The following WDFY4 variants were observed in gnomAD, a reference collection of about 807,000 sequenced individuals.
WDFY4 encodes the protein WDFY family member 4.
Under a neutral mutation model 351.9 loss-of-function variants are expected in WDFY4, and 169 were observed. The ratio of observed to expected loss-of-function variants is 0.48; its 90% CI spans 0.42 to 0.55. The LOEUF is 0.55. Ranked by LOEUF, WDFY4 falls within the 20% of genes least tolerant of loss-of-function variation. The probability of loss-of-function intolerance (pLI) is 0.00; values close to 1 mark genes in which losing one functional copy is unlikely to be tolerated. For missense variants in WDFY4, 3,803 were observed against 3,935.6 expected, an observed-to-expected ratio of 0.97 and a Z score of 0.90; for synonymous variants, 1,622 against 1,574.6, an observed-to-expected ratio of 1.03 and a Z score of -0.71.
chr10:48,747,306 A>G (rs1354052520), intron 12 of WDFY4, among the ~76,000 whole-genome samples: 1 of 151,950 alleles, frequency 6.6e-6, no homozygotes, highest in East Asian at 1.9e-4. Flanking sequence ...TTCTTGTTCT[A>G]TTGCTTTACT....
chr10:48,708,444 G>T (rs1009014633), intron 1 of WDFY4, among the ~76,000 whole-genome samples: 4 of 152,202 alleles, frequency 2.6e-5, no homozygotes, highest in Non-Finnish European at 5.9e-5. Flanking sequence ...TCACTACTTT[G>T]TGATTGTTGA....
At position 48,966,594 on chromosome 10, in the gene WDFY4, C is replaced by A; in HGVS notation, c.8505C>A (p.Thr2835=). Residue 2835 remains threonine (T), a synonymous_variant, in exon 55 of 62, where the codon ACC becomes ACA. Coordinates refer to ENST00000325239, the MANE Select transcript of WDFY4 (RefSeq NM_001394531.1). ...CTCTGCCTGGAAAGGATGTCTCCAC[C>A]CCCGTGAGCCTGCCTGGCCACCCAC... ...GKPLPGKDVS[T]PVSLPGHPQP... 1 of 1,552,046 alleles carries A rather than the reference C, an allele frequency of 6.4e-7. No individual in the cohort carries two copies. Among genetic ancestry groups the A allele is most frequent in the South Asian group, 1.2e-5 (1 of 84,058 alleles).
intron 39 of WDFY4, among the ~76,000 whole-genome samples, chr10:48,835,076 TCAA>T (rs917022024): frequency 6.6e-6 from 1 of 152,332 alleles, no homozygotes; most frequent in Admixed American, 6.5e-5. Context: ...ACTTGTTCAT[TCAA>T]CAAATATTTA....
At chr10:48,935,615 C>T (rs1840309921) in intron 47 of WDFY4, among the ~76,000 whole-genome samples, 1 of 152,150 alleles carries the variant, frequency 6.6e-6, no homozygotes, top group Non-Finnish European at 1.5e-5. Flanking sequence ...TTTGAGAGGG[C>T]TGTCTTTCAT....
At chr10:48,754,319 A>G (rs1311874069) in intron 12 of WDFY4, among the ~76,000 whole-genome samples, 1 of 151,480 alleles carries the variant, frequency 6.6e-6, no homozygotes, top group Non-Finnish European at 1.5e-5. Context: ...AATATGCCAG[A>G]CATACTCCTA....
At position 48,946,977 on chromosome 10, in the gene WDFY4, G is replaced by A; in HGVS notation, c.7977+8G>A. Reference sequence around the variant, plus strand: ...GCCTTCTGCGCTCTGCAGGTGAGCTGCTGCCACTCTCTGTACACACACACA... The same window carrying A: ...GCCTTCTGCGCTCTGCAGGTGAGCTACTGCCACTCTCTGTACACACACACA... On this transcript the variant is annotated splice_region_variant and intron_variant, in intron 51 of 61. Transcript: ENST00000325239. 6.5e-7 allele frequency: 1 copy of A among 1,528,358 alleles called. No individual in the cohort carries two copies. Among genetic ancestry groups the A allele is most frequent in the Non-Finnish European group, 8.8e-7 (1 of 1,132,150 alleles). 94.7% of individuals were successfully genotyped at this position (1,528,358 alleles called of 1,614,324 possible).
At chr10:48,855,414 A>G (rs960254486) in intron 39 of WDFY4, among the ~76,000 whole-genome samples, 1 of 152,108 alleles carries the variant, frequency 6.6e-6, no homozygotes, top group African/African-American at 2.4e-5. Context: ...ATAACATAGT[A>G]TATACTCTTT....
intron 60 of WDFY4, among the ~76,000 whole-genome samples, chr10:48,980,795 G>A (rs567756015): frequency 2.0e-5 from 3 of 152,174 alleles, no homozygotes; most frequent in Admixed American, 6.5e-5. Context: ...CCCAGCTGGC[G>A]TCTCTCCATC....
intron 47 of WDFY4, among the ~76,000 whole-genome samples, chr10:48,922,766 G>A (rs532184225): frequency 9.2e-5 from 14 of 152,248 alleles, no homozygotes; most frequent in African/African-American, 3.4e-4. Flanking sequence ...AAAGCATTTT[G>A]CCTAATAAAA....
At chr10:48,863,839 C>G (rs1272240927) in intron 39 of WDFY4, among the ~76,000 whole-genome samples, 10 of 152,150 alleles carry the variant, frequency 6.6e-5, no homozygotes, top group Non-Finnish European at 1.5e-4. Context: ...AACTTACAAT[C>G]ATGGCAGAAG....
intron 36 of WDFY4, among the ~76,000 whole-genome samples, chr10:48,828,346 T>C (rs1022742002): frequency 6.6e-6 from 1 of 152,214 alleles, no homozygotes; most frequent in Non-Finnish European, 1.5e-5. Flanking sequence ...AAAAGGGTTC[T>C]TCTAAGTGCA....
intron 53 of WDFY4, among the ~76,000 whole-genome samples, chr10:48,962,699 G>T (rs1393432891): frequency 1.3e-5 from 2 of 152,202 alleles, no homozygotes; most frequent in Non-Finnish European, 2.9e-5. Flanking sequence ...CTGACTTCTG[G>T]TGGGAGCTGT....
At chr10:48,846,213 A>G (rs2068770875) in intron 39 of WDFY4, among the ~76,000 whole-genome samples, 1 of 152,146 alleles carries the variant, frequency 6.6e-6, no homozygotes, top group African/African-American at 2.4e-5. Context: ...ACATTCCCAC[A>G]TGGCATCTTT....
chr10:48,842,443 G>A (rs1392988929), intron 39 of WDFY4, among the ~76,000 whole-genome samples: 1 of 152,124 alleles, frequency 6.6e-6, no homozygotes, highest in Non-Finnish European at 1.5e-5. Context: ...TCTGAGCTCT[G>A]CAGCAGGACC....
chr10:48,755,600 G>A (rs971414334), intron 12 of WDFY4, among the ~76,000 whole-genome samples: 1 of 152,056 alleles, frequency 6.6e-6, no homozygotes, highest in Non-Finnish European at 1.5e-5. Flanking sequence ...TTCTTCCAAT[G>A]CCATTAGTTG....
rs1842273367 is a variant in WDFY4, at chr10:48,970,117, C to T, written c.8770-14C>T. 8 of 1,551,064 alleles carry T rather than the reference C, an allele frequency of 5.2e-6. No individual in the cohort carries two copies. The highest frequency in any genetic ancestry group is 3.9e-5 in the Admixed American group (2 of 50,980). On this transcript the variant is annotated splice_polypyrimidine_tract_variant and intron_variant, in intron 56 of 61. Transcript: ENST00000325239. ...TGTCTCCACAGCAGCGCTCATCCCC[C>T]TTATCTCCTACAGGTCCTGATGACA... is the stretch of plus-strand genomic sequence containing the variant.
chr10:48,976,915 T>A lies in WDFY4; in HGVS notation c.9227T>A (p.Met3076Lys). 1.3e-6 allele frequency: 2 copies of A among 1,537,896 alleles called. No homozygotes were observed. Among genetic ancestry groups the A allele is most frequent in the Non-Finnish European group, 1.8e-6 (2 of 1,139,280 alleles). Residue 3076 changes from methionine to lysine, a missense_variant, in exon 59 of 62, where the codon ATG (methionine) becomes AAG (lysine). This residue lies in a region of WDFY4 where 3,054 missense variants were observed against 3,148.6 expected (regional missense o/e 0.97). Coordinates refer to ENST00000325239, the MANE Select transcript of WDFY4 (RefSeq NM_001394531.1). ...PEGAITCCCL[M>K]EGPAWDTSQI... ...GGAGCCATAACCTGCTGCTGCCTGA[T>A]GGAGGGCCCAGCATGGGACACAAGC...
intron 43 of WDFY4, among the ~76,000 whole-genome samples, chr10:48,889,127 C>T (rs2070585599): frequency 6.6e-6 from 1 of 152,172 alleles, no homozygotes; most frequent in Non-Finnish European, 1.5e-5. Flanking sequence ...GGCTGGAGGG[C>T]CAGCTCCTCT....
intron 13 of WDFY4, among the ~76,000 whole-genome samples, chr10:48,764,677 G>A (rs534913463): frequency 6.6e-5 from 10 of 152,356 alleles, no homozygotes; most frequent in African/African-American, 2.4e-4. Context: ...TGGAAAGCCA[G>A]GTCTAGTTTA....
Sources: gnomAD v4.1 joint callset for allele counts (sites outside exome capture counted in the v4.1 genomes callset) on GRCh38, gnomAD v4.1.1 for gene constraint, gnomAD v4.1.1 regional missense constraint, MANE v1.5 for transcripts, NCBI Gene and HGNC (gene_info 2026-07-23, HGNC 2026-07-21) for gene names.